NTM: variants seen among roughly 807,000 people sequenced by gnomAD.
The protein encoded by NTM is IgLON family member 2.
In NTM, 13 loss-of-function variants were observed where a neutral mutation model predicts 42.1. The ratio of observed to expected loss-of-function variants is 0.31; its 90% CI spans 0.20 to 0.49. The LOEUF (loss-of-function observed/expected upper bound fraction) is 0.49. Ranked by LOEUF, NTM falls within the 20% of genes least tolerant of loss-of-function variation. NTM has a pLI of 0.99. For synonymous variants in NTM, 187 were observed against 179.2 expected (o/e 1.04, Z -0.35); for missense variants, 373 against 452.8 (o/e 0.82, Z 1.60).
rs1306562936 is a variant in NTM, at chr11:131,596,803, C to T, written c.82+225915C>T. On this transcript the variant is annotated intron_variant, in intron 1 of 8. Transcript: ENST00000683400. ...GTCAGGGTTCTCTAGAGGGACAGAA[C>T]TAATGGAATATATATACGTATATGA... Among the ~76,000 whole-genome samples the T allele has an allele frequency of 5.9e-5, 9 of 152,188 alleles. No homozygotes were observed. The East Asian group carries it at 1.7e-3, about 29-fold the overall frequency.
intron 1 of NTM, among the ~76,000 whole-genome samples, chr11:131,598,680 TTGTTTTCTTTC>T (rs2060029487): frequency 7.8e-6 from 1 of 128,850 alleles, no homozygotes; most frequent in Non-Finnish European, 1.7e-5. Context: ...CTCTTCTCAT[TTGTTTTCTTTC>T]TTTCTTTCTT....
intron 2 of NTM, among the ~76,000 whole-genome samples, chr11:131,943,915 C>T (rs2060073362): frequency 1.6e-5 from 1 of 62,018 alleles, no homozygotes. Context: ...TCACATTTTT[C>T]TAAAAGGAAA....
intron 1 of NTM, among the ~76,000 whole-genome samples, chr11:131,522,749 T>C (rs923535681): frequency 2.6e-5 from 4 of 152,220 alleles, no homozygotes; most frequent in African/African-American, 4.8e-5. Flanking sequence ...TTGGCCTCCA[T>C]AGATTATAGA....
At chr11:132,172,014 G>T (rs923923406) in intron 3 of NTM, among the ~76,000 whole-genome samples, 1 of 152,150 alleles carries the variant, frequency 6.6e-6, no homozygotes, top group African/African-American at 2.4e-5. Context: ...TGCTCATTCA[G>T]ACAGCTTGAT....
intron 2 of NTM, among the ~76,000 whole-genome samples, chr11:132,048,215 T>G (rs1045926552): frequency 2.0e-5 from 3 of 152,074 alleles, no homozygotes; most frequent in African/African-American, 7.2e-5. Context: ...TGCTGCCAAA[T>G]GTGAAGGAAC....
At chr11:132,302,592 G>T (rs1157034344) in intron 4 of NTM, among the ~76,000 whole-genome samples, 3 of 152,160 alleles carry the variant, frequency 2.0e-5, no homozygotes, top group Non-Finnish European at 2.9e-5. Flanking sequence ...TAGTCAATAA[G>T]AAGTTGGCAA....
chr11:131,372,876 G>A (rs925736565), intron 1 of NTM, among the ~76,000 whole-genome samples: 15 of 152,100 alleles, frequency 9.9e-5, no homozygotes, highest in Non-Finnish European at 1.9e-4. Flanking sequence ...GAGTAGCAAA[G>A]TGGTGGTGCC....
At chr11:132,056,955 CGCCGCCTGCTTTGTCGTATAGCAGTGTT>C (rs2079780389) in intron 2 of NTM, among the ~76,000 whole-genome samples, 4 of 152,194 alleles carry the variant, frequency 2.6e-5, no homozygotes, top group African/African-American at 9.7e-5. Context: ...GTTCCAGGGG[CGCCGCCTGCTTTGTCGTATAGCAGTGTT>C]AGTACGATTG....
chr11:132,085,260 A>G (rs1194130373), intron 2 of NTM, among the ~76,000 whole-genome samples: 1 of 152,220 alleles, frequency 6.6e-6, no homozygotes, highest in Non-Finnish European at 1.5e-5. Flanking sequence ...AGTGGTCTCA[A>G]TTACATGTTA....
chr11:131,640,690 G>A (rs924296824), intron 1 of NTM, among the ~76,000 whole-genome samples: 3 of 152,096 alleles, frequency 2.0e-5, no homozygotes, highest in African/African-American at 4.8e-5. Flanking sequence ...CTTAATATGG[G>A]AATTACCCAT....
At chr11:131,441,209 T>C (rs892841665) in intron 1 of NTM, among the ~76,000 whole-genome samples, 6 of 152,216 alleles carry the variant, frequency 3.9e-5, no homozygotes, top group African/African-American at 1.4e-4. Context: ...GCAGTTAGAA[T>C]GAGCTGATGC....
intron 1 of NTM, among the ~76,000 whole-genome samples, chr11:131,617,079 T>C (rs1419105390): frequency 6.6e-6 from 1 of 152,036 alleles, no homozygotes; most frequent in East Asian, 1.9e-4. Context: ...AAGTCAGAAT[T>C]GTGGGGCTGG....
chr11:132,246,735 A>G (rs1043693525), intron 4 of NTM, among the ~76,000 whole-genome samples: 1 of 152,260 alleles, frequency 6.6e-6, no homozygotes, highest in African/African-American at 2.4e-5. Context: ...ACATGTAGTT[A>G]TAGCTCGGGA....
intron 1 of NTM, among the ~76,000 whole-genome samples, chr11:131,530,162 T>C (rs2051048438): frequency 6.6e-6 from 1 of 152,188 alleles, no homozygotes; most frequent in Non-Finnish European, 1.5e-5. Flanking sequence ...GCAAGGACAG[T>C]GTCCCCTTCA....
At chr11:131,638,381 A>G (rs943171387) in intron 1 of NTM, among the ~76,000 whole-genome samples, 4 of 152,068 alleles carry the variant, frequency 2.6e-5, no homozygotes, top group Admixed American at 6.5e-5. Flanking sequence ...AGCCTGGCCA[A>G]CATGCTGAAA....
intron 2 of NTM, among the ~76,000 whole-genome samples, chr11:132,133,557 G>T (rs1030580212): frequency 6.6e-6 from 1 of 152,164 alleles, no homozygotes; most frequent in Non-Finnish European, 1.5e-5. Flanking sequence ...GGATGGCTGT[G>T]AGTTGAAAGG....
At chr11:132,085,339 G>A (rs556834612) in intron 2 of NTM, among the ~76,000 whole-genome samples, 2 of 152,280 alleles carry the variant, frequency 1.3e-5, no homozygotes, top group Admixed American at 1.3e-4. Flanking sequence ...TATGCAGTAG[G>A]TGCCAATAAA....
At chr11:132,084,260 A>G (rs1465354662) in intron 2 of NTM, among the ~76,000 whole-genome samples, 1 of 152,180 alleles carries the variant, frequency 6.6e-6, no homozygotes, top group Non-Finnish European at 1.5e-5. Context: ...TACAATCAAA[A>G]ACATGATTGA....
chr11:131,794,607 A>G, intron 1 of NTM: 2 of 973,166 alleles, frequency 2.1e-6, no homozygotes, highest in Non-Finnish European at 2.4e-6. Context: ...GACACAAAAT[A>G]AGTGCTGGAT....
Sources: allele counts gnomAD v4.1 joint callset (sites outside exome capture counted in the v4.1 genomes callset), GRCh38; gene constraint gnomAD v4.1.1; transcripts MANE v1.5; gene names NCBI Gene and HGNC (gene_info 2026-07-23, HGNC 2026-07-21).